The following SDK1 variants were observed in gnomAD, a reference collection of about 807,000 sequenced individuals.
SDK1 encodes protein sidekick-1.
A neutral mutation model predicts 245.5 loss-of-function variants in SDK1; 157 were observed. The observed-to-expected ratio is 0.64, with a 90% CI of 0.56 to 0.73. The LOEUF (loss-of-function observed/expected upper bound fraction) is 0.73, where lower values mean the gene tolerates loss of function less well. Ranked by LOEUF, SDK1 falls within the 30% of genes least tolerant of loss-of-function variation. The pLI, the probability that SDK1 is intolerant of heterozygous loss-of-function variation, is 0.00. For synonymous variants in SDK1, 1,647 were observed against 1,278.5 expected (o/e 1.29, Z -6.15); for missense variants, 3,583 against 3,002.3 (o/e 1.19, Z -4.52).
intron 32 of SDK1, among the ~76,000 whole-genome samples, chr7:4,164,159 TA>T (rs1366505626): frequency 1.3e-5 from 2 of 152,106 alleles, no homozygotes; most frequent in African/African-American, 2.4e-5. Context: ...TACCAGAGCA[TA>T]GGGGGGCCAG....
At chr7:3,723,412 T>G (rs1156267049) in intron 4 of SDK1, among the ~76,000 whole-genome samples, 2 of 152,194 alleles carry the variant, frequency 1.3e-5, no homozygotes, top group East Asian at 1.9e-4. Context: ...TGCTACTATA[T>G]CTTGATGACT....
chr7:3,479,441 AAAAG>A (rs1781444728), intron 1 of SDK1, among the ~76,000 whole-genome samples: 1 of 151,588 alleles, frequency 6.6e-6, no homozygotes, highest in Non-Finnish European at 1.5e-5. Context: ...AAAAAAAAAA[AAAAG>A]AATATCTATT....
chr7:3,363,221 A>G (rs1259990249), intron 1 of SDK1, among the ~76,000 whole-genome samples: 1 of 152,218 alleles, frequency 6.6e-6, no homozygotes, highest in African/African-American at 2.4e-5. Context: ...TATAAATAGA[A>G]TTATACTTTG....
intron 1 of SDK1, among the ~76,000 whole-genome samples, chr7:3,369,112 T>C (rs10273811): frequency 0.45 from 68,437 of 151,934 alleles, 17,442 homozygotes; most frequent in East Asian, 0.62. Context: ...TGGTGTGATA[T>C]TGGCTCACTG....
In SDK1 at chr7:3,377,411, C is replaced by T. The variant is rs372339376; in HGVS notation, c.298+75527C>T. 9.7e-4 allele frequency among the ~76,000 whole-genome samples: 147 copies of T among 152,264 alleles called. 1 individual carries two copies. The highest frequency in any genetic ancestry group is 3.3e-3 in the African/African-American group (139 of 41,538). On this transcript the variant is annotated intron_variant, in intron 1 of 44. Coordinates refer to ENST00000404826, the MANE Select transcript of SDK1 (RefSeq NM_152744.4). ...CCCCCTGCGCTAAATGGAGGATGGA[C>T]TGCAGGCTCTGGAATGTGGTCAGGT...
chr7:3,535,298 T>C (rs1562546376), intron 1 of SDK1, among the ~76,000 whole-genome samples: 1 of 152,120 alleles, frequency 6.6e-6, no homozygotes. Context: ...AAGAAAACTG[T>C]TAGGCTATAA....
intron 4 of SDK1, among the ~76,000 whole-genome samples, chr7:3,670,793 G>A (rs2128662672): frequency 6.6e-6 from 1 of 152,262 alleles, no homozygotes; most frequent in Non-Finnish European, 1.5e-5. Flanking sequence ...CCCAGTTTAT[G>A]TCTGTTGTAG....
chr7:3,825,447 G>A (rs924707238), intron 5 of SDK1, among the ~76,000 whole-genome samples: 14 of 151,216 alleles, frequency 9.3e-5, no homozygotes, highest in East Asian at 3.9e-4. Flanking sequence ...TATTCAAAAT[G>A]TCCAATGTAA....
chr7:3,906,902 T>C (rs1778966940), intron 5 of SDK1, among the ~76,000 whole-genome samples: 1 of 152,160 alleles, frequency 6.6e-6, no homozygotes, highest in Non-Finnish European at 1.5e-5. Context: ...AGTGCTGGGA[T>C]GGCAGGCATG....
chr7:4,174,681 G>A (rs1361873598), intron 33 of SDK1, among the ~76,000 whole-genome samples: 1 of 152,138 alleles, frequency 6.6e-6, no homozygotes, highest in South Asian at 2.1e-4. Context: ...GGAGGCAGGG[G>A]GCCAGTAGGA....
At chr7:4,152,537 G>T (rs568666481) in intron 30 of SDK1, among the ~76,000 whole-genome samples, 2 of 152,282 alleles carry the variant, frequency 1.3e-5, no homozygotes, top group African/African-American at 2.4e-5. Context: ...CAGACTAATC[G>T]TGTGTCCGGG....
At chr7:3,864,173 A>G (rs1024695742) in intron 5 of SDK1, among the ~76,000 whole-genome samples, 9 of 152,208 alleles carry the variant, frequency 5.9e-5, no homozygotes, top group African/African-American at 2.2e-4. Context: ...TCTATTTTTC[A>G]TTCACTGTGC....
At chr7:4,057,857 C>G (rs1335975277) in intron 19 of SDK1, among the ~76,000 whole-genome samples, 2 of 152,156 alleles carry the variant, frequency 1.3e-5, no homozygotes, top group African/African-American at 4.8e-5. Context: ...AGAATCAAAG[C>G]CAAAGTACCC....
At chr7:3,662,311 A>G (rs1469219726) in intron 4 of SDK1, among the ~76,000 whole-genome samples, 2 of 152,160 alleles carry the variant, frequency 1.3e-5, no homozygotes, top group Admixed American at 6.5e-5. Flanking sequence ...ATACTCTTCA[A>G]AAAGACATCC....
intron 26 of SDK1, chr7:4,129,637 C>T (rs972807837): frequency 5.3e-5 from 70 of 1,319,202 alleles, no homozygotes; most frequent in Non-Finnish European, 1.7e-5. Context: ...TGCAGTTGGG[C>T]CCTCAGATCT....
chr7:3,647,491 A>G (rs896173579), intron 4 of SDK1, among the ~76,000 whole-genome samples: 53 of 152,228 alleles, frequency 3.5e-4, no homozygotes, highest in African/African-American at 1.1e-3. Flanking sequence ...AAGTGGCATG[A>G]TCTCAGCTCA....
chr7:4,039,716 A>G (rs1788472235), intron 17 of SDK1, among the ~76,000 whole-genome samples: 1 of 152,220 alleles, frequency 6.6e-6, no homozygotes, highest in Non-Finnish European at 1.5e-5. Context: ...TGATTTAATT[A>G]TGGAACTTAT....
intron 40 of SDK1, 57 bp from the exon 41 acceptor site, chr7:4,233,187 TGCATGGGGCTC>T (rs1562462934): frequency 1.3e-6 from 2 of 1,499,356 alleles, no homozygotes; most frequent in Admixed American, 3.4e-5. Context: ...ACCAGGCAGG[TGCATGGGGCTC>T]GCATCTGGGA....
intron 9 of SDK1, among the ~76,000 whole-genome samples, chr7:3,965,758 C>T (rs1355781495): frequency 9.2e-5 from 1 of 10,816 alleles, no homozygotes; most frequent in African/African-American, 4.7e-4. Context: ...GGTGCGGTGG[C>T]ATATTGAGCC....
Sources: gnomAD v4.1 joint callset for allele counts (sites outside exome capture counted in the v4.1 genomes callset) on GRCh38, gnomAD v4.1.1 for gene constraint, MANE v1.5 for transcripts, NCBI Gene and HGNC (gene_info 2026-07-23, HGNC 2026-07-21) for gene names.